The following RBFOX1 variants were observed in gnomAD, a reference collection of about 807,000 sequenced individuals.
RBFOX1 encodes the protein RNA binding fox-1 homolog 1, also known as RNA binding protein fox-1 homolog 1.
RBFOX1 carries 8 observed loss-of-function variants against 57.7 expected under a neutral mutation model. The ratio of observed to expected loss-of-function variants is 0.14; its 90% CI spans 0.08 to 0.25. The LOEUF (loss-of-function observed/expected upper bound fraction) is 0.25, where lower values mean the gene tolerates loss of function less well. Ranked by LOEUF, RBFOX1 falls within the 10% of genes least tolerant of loss-of-function variation. The pLI, the probability that RBFOX1 is intolerant of heterozygous loss-of-function variation, is 1.00. For synonymous variants in RBFOX1, 326 were observed against 222.4 expected (o/e 1.47, Z -4.15); for missense variants, 611 against 548.5 (o/e 1.11, Z -1.14).
intron 3 of RBFOX1, among the ~76,000 whole-genome samples, chr16:5,685,852 G>T (rs140744908): frequency 8.5e-4 from 129 of 152,284 alleles, no homozygotes; most frequent in Non-Finnish European, 1.7e-3. Context: ...CTTTAATTAT[G>T]TGACTTGGAC....
At chr16:5,705,037 C>G (rs150726227) in intron 3 of RBFOX1, among the ~76,000 whole-genome samples, 32 of 152,234 alleles carry the variant, frequency 2.1e-4, no homozygotes, top group African/African-American at 7.5e-4. Flanking sequence ...TTTTGACCCA[C>G]TGGTATCCAT....
intron 3 of RBFOX1, among the ~76,000 whole-genome samples, chr16:6,709,343 T>G (rs1323760965): frequency 6.6e-6 from 1 of 152,212 alleles, no homozygotes; most frequent in Non-Finnish European, 1.5e-5. Context: ...AGGGTTTCAT[T>G]TTGCTCTTGA....
At chr16:6,504,771 T>G (rs531619575) in intron 2 of RBFOX1, among the ~76,000 whole-genome samples, 1 of 152,110 alleles carries the variant, frequency 6.6e-6, no homozygotes, top group Non-Finnish European at 1.5e-5. Context: ...AAAAACAAAG[T>G]CTGGCCAGGT....
At chr16:5,432,260 A>G (rs1371757070) in intron 1 of RBFOX1, among the ~76,000 whole-genome samples, 1 of 152,200 alleles carries the variant, frequency 6.6e-6, no homozygotes, top group African/African-American at 2.4e-5. Context: ...AAATAAAAAC[A>G]TGGTTACAGT....
At chr16:6,673,415 G>A (rs751476246) in intron 3 of RBFOX1, among the ~76,000 whole-genome samples, 5 of 151,994 alleles carry the variant, frequency 3.3e-5, no homozygotes, top group Admixed American at 6.6e-5. Flanking sequence ...TGGCAAAACC[G>A]CATCTCTACT....
At chr16:7,189,751 C>A (rs1182133049) in intron 4 of RBFOX1, among the ~76,000 whole-genome samples, 1 of 152,226 alleles carries the variant, frequency 6.6e-6, no homozygotes, top group Non-Finnish European at 1.5e-5. Context: ...CCACAGACAC[C>A]TGCAGGCAAT....
chr16:5,896,334 C>T (rs2058162973), intron 4 of RBFOX1, among the ~76,000 whole-genome samples: 1 of 152,162 alleles, frequency 6.6e-6, no homozygotes, highest in Non-Finnish European at 1.5e-5. Context: ...AAGGGTCTTT[C>T]ATGAATATAT....
intron 3 of RBFOX1, among the ~76,000 whole-genome samples, chr16:5,727,492 G>C (rs2052196332): frequency 6.6e-6 from 1 of 152,148 alleles, no homozygotes; most frequent in Non-Finnish European, 1.5e-5. Flanking sequence ...CTTTGTATGT[G>C]TGTGTATATC....
At chr16:7,467,768 C>G (rs968856364) in intron 4 of RBFOX1, among the ~76,000 whole-genome samples, 4 of 152,202 alleles carry the variant, frequency 2.6e-5, no homozygotes, top group African/African-American at 9.7e-5. Context: ...TTCCCCACTT[C>G]CACTTCATCT....
chr16:5,839,700 T>G (rs1043927834), intron 3 of RBFOX1, among the ~76,000 whole-genome samples: 4 of 148,898 alleles, frequency 2.7e-5, no homozygotes, highest in Admixed American at 6.8e-5. Context: ...CATCCACATA[T>G]TTGTAGTCTT....
chr16:5,993,527 C>T (rs2060441949), intron 4 of RBFOX1, among the ~76,000 whole-genome samples: 1 of 152,054 alleles, frequency 6.6e-6, no homozygotes, highest in Non-Finnish European at 1.5e-5. Flanking sequence ...TAGAATTCAC[C>T]TTCTTACCCA....
At chr16:6,329,835 G>A (rs2082794337) in intron 2 of RBFOX1, among the ~76,000 whole-genome samples, 1 of 152,182 alleles carries the variant, frequency 6.6e-6, no homozygotes, top group South Asian at 2.1e-4. Flanking sequence ...CTACTTGGGA[G>A]GCTGAGGTAG....
rs1161233784 is a variant in RBFOX1 at position 6,683,679 on chromosome 16, C to T, written c.-16+29029C>T. 2.0e-5 allele frequency among the ~76,000 whole-genome samples: 3 copies of T among 152,222 alleles called. 1 individual carries two copies. Among genetic ancestry groups the T allele is most frequent in the South Asian group, 4.2e-4 (2 of 4,818 alleles). On this transcript the variant is annotated intron_variant, in intron 3 of 15. Coordinates refer to ENST00000550418, the MANE Select transcript of RBFOX1 (RefSeq NM_018723.4). Reference sequence around the variant, plus strand: ...ACCAGGTTTAAGGCGAAAGCAAGCCCTCAGATCTGCACACCCTAGTCTAAG... The same window carrying T: ...ACCAGGTTTAAGGCGAAAGCAAGCCTTCAGATCTGCACACCCTAGTCTAAG...
chr16:6,315,064 T>G (rs958660529), intron 1 of RBFOX1, among the ~76,000 whole-genome samples: 18 of 152,232 alleles, frequency 1.2e-4, no homozygotes, highest in African/African-American at 4.3e-4. Flanking sequence ...AACAATAAAC[T>G]TTTAAAAAGC....
intron 4 of RBFOX1, among the ~76,000 whole-genome samples, chr16:7,357,260 G>A (rs985584370): frequency 2.0e-5 from 3 of 151,788 alleles, no homozygotes; most frequent in Admixed American, 2.0e-4. Flanking sequence ...TCTCTTGGAT[G>A]GAGGATATCA....
chr16:6,753,755 A>T (rs951109090), intron 3 of RBFOX1, among the ~76,000 whole-genome samples: 9 of 151,924 alleles, frequency 5.9e-5, no homozygotes, highest in Non-Finnish European at 1.0e-4. Context: ...GCCTCCTTGG[A>T]TTTATGTGAT....
intron 3 of RBFOX1, among the ~76,000 whole-genome samples, chr16:6,826,122 G>A (rs941045671): frequency 6.6e-6 from 1 of 152,018 alleles, no homozygotes; most frequent in Non-Finnish European, 1.5e-5. Context: ...TGGTCATGCC[G>A]TCTCACTTCT....
intron 1 of RBFOX1, among the ~76,000 whole-genome samples, chr16:5,460,392 C>T (rs1403242404): frequency 1.3e-5 from 2 of 152,352 alleles, no homozygotes; most frequent in African/African-American, 4.8e-5. Flanking sequence ...ATCTACACCA[C>T]TGCACCTCCC....
At chr16:7,177,779 T>C (rs114166238) in intron 4 of RBFOX1, among the ~76,000 whole-genome samples, 1,599 of 152,308 alleles carry the variant, frequency 0.01, 27 homozygotes, top group African/African-American at 0.036. Flanking sequence ...TCCTCAACTC[T>C]TCTGTTGTAG....
Sources: gnomAD v4.1 joint callset for allele counts (sites outside exome capture counted in the v4.1 genomes callset) on GRCh38, gnomAD v4.1.1 for gene constraint, MANE v1.5 for transcripts, NCBI Gene and HGNC (gene_info 2026-07-23, HGNC 2026-07-21) for gene names.